Variants in HROB observed in about 807,000 individuals in gnomAD.
HROB encodes the protein homologous recombination OB-fold protein.
Under a neutral mutation model 61.0 loss-of-function variants are expected in HROB, and 44 were observed. That is an observed-to-expected ratio of 0.72 (90% CI 0.57 to 0.93). HROB has a LOEUF of 0.93. Among genes scored for constraint, HROB ranks in the 40% least tolerant of loss-of-function variants. The pLI is 0.00. For synonymous variants in HROB, 301 were observed against 310.4 expected, an observed-to-expected ratio of 0.97 and a Z score of 0.32; for missense variants, 716 against 796.2, an observed-to-expected ratio of 0.90 and a Z score of 1.21.
rs754152096 is a variant in HROB at position 44,152,709 on chromosome 17, C to T, written c.1381C>T (p.Leu461=). 2.7e-5 allele frequency: 44 copies of T among 1,614,058 alleles called. No homozygotes were observed. The East Asian group carries it at 9.1e-4, about 33-fold the overall frequency. The stretch of plus-strand genomic sequence containing the variant: ...GCCCTGGCTGACCATGAAATCCACG[C>T]TAGGCCTGGATGAGAGAGACCCTAG... ...RGPWLTMKST[L]GLDERDPSCF... Residue 461 remains leucine (L), a synonymous_variant, in exon 5 of 10, where the codon CTA becomes TTA. Coordinates refer to ENST00000585683, the MANE Select transcript of HROB (RefSeq NM_001171251.3).
intron 9 of HROB, among the ~76,000 whole-genome samples, chr17:44,159,975 C>T (rs1313671203): frequency 6.6e-6 from 1 of 152,216 alleles, no homozygotes; most frequent in Non-Finnish European, 1.5e-5. Flanking sequence ...GCAGTGTTCT[C>T]GAACTCCCCC....
intron 9 of HROB, 110 bp downstream of exon 9, chr17:44,158,051 C>A: frequency 1.3e-6 from 1 of 744,918 alleles, no homozygotes; most frequent in Non-Finnish European, 2.1e-6. Context: ...ATCTTTGGAT[C>A]TTATATAATC....
chr17:44,155,730 AATGACCGAGGGTCAG>A (rs1240632608), intron 8 of HROB, among the ~76,000 whole-genome samples: 1 of 152,100 alleles, frequency 6.6e-6, no homozygotes, highest in Non-Finnish European at 1.5e-5. Flanking sequence ...GGTGGCAGTA[AATGACCGAGGGTCAG>A]ATCTGCTACA....
rs926019053 is a variant in HROB at position 44,162,467 on chromosome 17, T to G, written c.*535T>G. 1 of 152,492 alleles carries G rather than the reference T, an allele frequency of 6.6e-6. No homozygotes were observed. The highest frequency in any genetic ancestry group is 1.5e-5 in the Non-Finnish European group (1 of 68,320). The allele number at this position is 152,492 out of a possible 1,614,324, so 9.4% of individuals were successfully genotyped here. A position where few individuals can be genotyped will look rare whatever the true frequency, so the allele number is the denominator to read the frequency against. On this transcript the variant is annotated 3_prime_UTR_variant, in exon 10 of 10. Transcript: ENST00000585683. ...TTGTACCTTGTTCTGAAATAAAGCA[T>G]CTCCTGCTTCTTCTGCCTCCCTTTC...
chr17:44,155,250 C>T, intron 7 of HROB, 36 bp from the exon 8 acceptor site: 2 of 1,611,540 alleles, frequency 1.2e-6, no homozygotes, highest in South Asian at 1.1e-5. Flanking sequence ...CCCAGTGCTC[C>T]ATCAGGACAC....
chr17:44,150,504 C>T (rs1424373968), intron 3 of HROB, among the ~76,000 whole-genome samples: 1 of 152,040 alleles, frequency 6.6e-6, no homozygotes, highest in East Asian at 1.9e-4. Context: ...ATTCTCCTGC[C>T]TCAGCCTTCC....
intron 7 of HROB, 95 bp downstream of exon 7, chr17:44,155,033 G>A: frequency 1.4e-6 from 2 of 1,432,336 alleles, no homozygotes; most frequent in Non-Finnish European, 1.9e-6. Flanking sequence ...ACAACACCAG[G>A]CACGGAGTGG....
Position 44,154,739 on chromosome 17 carries a change from C to T in HROB, c.1558+75C>T. On this transcript the variant is annotated intron_variant, in intron 6 of 9. Transcript: ENST00000585683. ...AGGAAATGAGGTGGAATCACCCTCT[C>T]CCTTTGCAGACAGGAAAACTGAGGC... is the stretch of plus-strand genomic sequence containing the variant. 5 of 1,593,236 alleles carry T rather than the reference C, an allele frequency of 3.1e-6. No homozygotes were observed. In the South Asian group the frequency reaches 5.5e-5, roughly 18 times the overall value.
intron 5 of HROB, 182 bp from the exon 6 acceptor site, chr17:44,154,370 TGAAG>T: frequency 1.8e-6 from 1 of 570,958 alleles, no homozygotes; most frequent in South Asian, 2.3e-5. Context: ...GGGAGAGAAA[TGAAG>T]GACCTCCCAG....
At chr17:44,158,648 ATTT>A (rs34904275) in intron 9 of HROB, among the ~76,000 whole-genome samples, 2 of 143,068 alleles carry the variant, frequency 1.4e-5, no homozygotes. Context: ...ATGCCCAGCA[ATTT>A]TTTTTTTTTT....
chr17:44,150,583 GT>G (rs1309112382), intron 3 of HROB, among the ~76,000 whole-genome samples: 1 of 151,890 alleles, frequency 6.6e-6, no homozygotes, highest in Non-Finnish European at 1.5e-5. Context: ...AGAGATGGGG[GT>G]TTCTCCATGT....
At chr17:44,158,627 T>A (rs1191877110) in intron 9 of HROB, among the ~76,000 whole-genome samples, 1 of 149,930 alleles carries the variant, frequency 6.7e-6, no homozygotes, top group East Asian at 2.0e-4. Flanking sequence ...GGACTATAGG[T>A]ATGTGCCACT....
intron 9 of HROB, among the ~76,000 whole-genome samples, chr17:44,161,080 T>TG (rs1205781339): frequency 6.6e-6 from 1 of 151,494 alleles, no homozygotes; most frequent in Non-Finnish European, 1.5e-5. Context: ...TGGGCGCCTG[T>TG]AAGTCCCAGC....
chr17:44,142,283 C>G, intron 1 of HROB, 138 bp downstream of exon 1: 3 of 1,153,204 alleles, frequency 2.6e-6, no homozygotes, highest in Non-Finnish European at 3.5e-6. Context: ...GTCGGGAGAC[C>G]TGGGCTGTCG....
chr17:44,154,603 G>A lies in HROB; in HGVS notation c.1497G>A (p.Val499=). ...LPRNKVPNMA[V]MIKSLTRSTM... is the part of the protein sequence containing the mutation. ...GGAACAAGGTCCCCAACATGGCGGT[G>A]ATGATCAAGTCCCTGACTCGGAGCA... Residue 499 remains valine (V), a synonymous_variant, in exon 6 of 10, where the codon GTG becomes GTA. Coordinates refer to ENST00000585683, the MANE Select transcript of HROB (RefSeq NM_001171251.3). 1 of 1,614,164 alleles carries A rather than the reference G, an allele frequency of 6.2e-7. No individual in the cohort carries two copies. Among genetic ancestry groups the A allele is most frequent in the South Asian group, 1.1e-5 (1 of 91,082 alleles).
intron 5 of HROB, among the ~76,000 whole-genome samples, chr17:44,154,053 A>T (rs1460315004): frequency 6.6e-6 from 1 of 151,666 alleles, no homozygotes; most frequent in Non-Finnish European, 1.5e-5. Context: ...TCTCAAAAAT[A>T]AAAAAATAGG....
rs1280419690 is a variant in HROB, at chr17:44,157,958, A to G, written c.1879+17A>G. The G allele has an allele frequency of 1.9e-6, 3 of 1,585,386 alleles. No individual in the cohort carries two copies. The highest frequency in any genetic ancestry group is 1.7e-5 in the Admixed American group (1 of 58,948). On this transcript the variant is annotated intron_variant, in intron 9 of 9. Coordinates refer to ENST00000585683, the MANE Select transcript of HROB (RefSeq NM_001171251.3). ...CAGAAGCAGGTAAAGCAGTCAGCCCATCTGGGAGCAAGAGAGGTTCTATTT... is the reference window on the plus strand; with the variant it reads ...CAGAAGCAGGTAAAGCAGTCAGCCCGTCTGGGAGCAAGAGAGGTTCTATTT...
intron 1 of HROB, among the ~76,000 whole-genome samples, chr17:44,143,739 C>G (rs773077922): frequency 5.3e-5 from 8 of 152,026 alleles, no homozygotes; most frequent in Admixed American, 2.6e-4. Flanking sequence ...GTCACTTGAG[C>G]CTAGGAGATT....
chr17:44,144,941 C>T (rs1652891498), intron 1 of HROB, among the ~76,000 whole-genome samples: 1 of 152,038 alleles, frequency 6.6e-6, no homozygotes, highest in Non-Finnish European at 1.5e-5. Flanking sequence ...GTCTCGAACT[C>T]CTGACCTCAG....
Sources: allele counts gnomAD v4.1 joint callset (sites outside exome capture counted in the v4.1 genomes callset), GRCh38; gene constraint gnomAD v4.1.1; transcripts MANE v1.5; gene names NCBI Gene and HGNC (gene_info 2026-07-23, HGNC 2026-07-21).